CACNA2D3: variants seen among roughly 807,000 people sequenced by gnomAD.
CACNA2D3 encodes voltage-dependent calcium channel subunit alpha-2/delta-3.
In CACNA2D3, 60 loss-of-function variants were observed where a neutral mutation model predicts 160.6. That is an observed-to-expected ratio of 0.37 (90% CI 0.30 to 0.46). The LOEUF (loss-of-function observed/expected upper bound fraction) is 0.46, where lower values mean the gene tolerates loss of function less well. Among genes scored for constraint, CACNA2D3 ranks in the 20% least tolerant of loss-of-function variants. The pLI, the probability that CACNA2D3 is intolerant of heterozygous loss-of-function variation, is 1.00. For missense variants in CACNA2D3, 1,205 were observed against 1,365.0 expected, an observed-to-expected ratio of 0.88 and a Z score of 1.85; for synonymous variants, 558 against 492.9, an observed-to-expected ratio of 1.13 and a Z score of -1.75.
chr3:55,056,533 A>AG (rs1704365649), intron 35 of CACNA2D3, among the ~76,000 whole-genome samples: 3 of 152,240 alleles, frequency 2.0e-5, no homozygotes, highest in African/African-American at 7.2e-5. Flanking sequence ...TTTTCATAAT[A>AG]GCTAAGTTAT....
At chr3:54,969,889 G>A (rs2107070736) in intron 29 of CACNA2D3, 45 bp downstream of exon 29, 1 of 1,534,296 alleles carries the variant, frequency 6.5e-7, no homozygotes, top group Non-Finnish European at 9.0e-7. Flanking sequence ...TGGATAGAAG[G>A]TGACAGATGG....
chr3:54,318,067 T>C (rs1455215002), intron 2 of CACNA2D3, among the ~76,000 whole-genome samples: 2 of 152,206 alleles, frequency 1.3e-5, no homozygotes, highest in African/African-American at 4.8e-5. Flanking sequence ...AGCTGCATCC[T>C]TCCTTCCATC....
At chr3:54,891,844 C>G (rs915473447) in intron 25 of CACNA2D3, among the ~76,000 whole-genome samples, 3 of 152,218 alleles carry the variant, frequency 2.0e-5, no homozygotes, top group Non-Finnish European at 4.4e-5. Flanking sequence ...CCTGCCTGTA[C>G]AAAAGTCACT....
chr3:54,881,397 G>C (rs1292843472), intron 21 of CACNA2D3, among the ~76,000 whole-genome samples: 1 of 152,212 alleles, frequency 6.6e-6, no homozygotes, highest in Non-Finnish European at 1.5e-5. Context: ...ACATAGGTCA[G>C]AGGGAGTAAG....
At chr3:54,215,652 T>G (rs975053104) in intron 2 of CACNA2D3, among the ~76,000 whole-genome samples, 2 of 152,204 alleles carry the variant, frequency 1.3e-5, no homozygotes, top group Non-Finnish European at 2.9e-5. Context: ...ATGCATCCTT[T>G]ACTTTTTAAC....
intron 27 of CACNA2D3, among the ~76,000 whole-genome samples, chr3:54,961,074 G>A (rs1702020825): frequency 6.6e-6 from 1 of 152,162 alleles, no homozygotes; most frequent in African/African-American, 2.4e-5. Context: ...AAAACAAACA[G>A]AAGAAAACAT....
chr3:54,134,688 A>G (rs1367029143), intron 2 of CACNA2D3, among the ~76,000 whole-genome samples: 1 of 152,146 alleles, frequency 6.6e-6, no homozygotes, highest in Non-Finnish European at 1.5e-5. Context: ...CTTGCCCACA[A>G]CCCTTGCAGT....
At chr3:54,513,007 G>A (rs1701483737) in intron 5 of CACNA2D3, among the ~76,000 whole-genome samples, 2 of 152,236 alleles carry the variant, frequency 1.3e-5, no homozygotes. Flanking sequence ...TCTCGTGAGA[G>A]TTATTCACTA....
intron 4 of CACNA2D3, among the ~76,000 whole-genome samples, chr3:54,487,421 G>A (rs1701032344): frequency 6.6e-6 from 1 of 152,178 alleles, no homozygotes; most frequent in Non-Finnish European, 1.5e-5. Flanking sequence ...TCTGTCATTA[G>A]TAGCAACAAG....
At chr3:54,963,683 C>T (rs770852545) in intron 27 of CACNA2D3, among the ~76,000 whole-genome samples, 18 of 152,126 alleles carry the variant, frequency 1.2e-4, no homozygotes, top group Non-Finnish European at 2.1e-4. Flanking sequence ...GCCCTGCATT[C>T]GTTTCTGTCA....
At position 54,475,533 on chromosome 3, in the gene CACNA2D3, T is replaced by G. The variant is rs577618506; in HGVS notation, c.382-27959T>G. Among the ~76,000 whole-genome samples, 4 of 152,274 alleles carry G rather than the reference T, an allele frequency of 2.6e-5. No individual in the cohort carries two copies. The South Asian group carries it at 8.3e-4, about 32-fold the overall frequency. On this transcript the variant is annotated intron_variant, in intron 4 of 37. Coordinates refer to ENST00000474759, the MANE Select transcript of CACNA2D3 (RefSeq NM_018398.3). ...TAGTCAACATACTTGGGAGGTCTCA[T>G]CAGTTTCTTTGGGTTCTTCTTGGGA...
At chr3:54,264,189 T>C (rs529424620) in intron 2 of CACNA2D3, among the ~76,000 whole-genome samples, 54 of 152,314 alleles carry the variant, frequency 3.5e-4, no homozygotes, top group Non-Finnish European at 5.6e-4. Context: ...TGTCCTCGGC[T>C]GATTACAAAG....
intron 1 of CACNA2D3, 85 bp downstream of exon 1, chr3:54,122,920 G>C: frequency 1.7e-6 from 2 of 1,146,488 alleles, no homozygotes; most frequent in Non-Finnish European, 2.2e-6. Flanking sequence ...CTGCAGGTGC[G>C]GCTGGGCAGG....
chr3:54,717,610 GGT>G (rs1158297484), intron 11 of CACNA2D3, among the ~76,000 whole-genome samples: 9 of 138,962 alleles, frequency 6.5e-5, no homozygotes, highest in East Asian at 2.3e-4. Flanking sequence ...TCGTGTGTGT[GGT>G]GTGTGTAGTG....
rs557763381 is a variant in CACNA2D3 at position 54,714,659 on chromosome 3, T to C, written c.1168-37940T>C. Reference sequence around the variant, plus strand: ...TGACAAAAATTTTACAATCATAGACTATTTCCTCACTAGACCACCTCTTTG... The same window carrying C: ...TGACAAAAATTTTACAATCATAGACCATTTCCTCACTAGACCACCTCTTTG... On this transcript the variant is annotated intron_variant, in intron 11 of 37. Transcript: ENST00000474759. 3.3e-5 allele frequency among the ~76,000 whole-genome samples: 5 copies of C among 152,322 alleles called. No homozygotes were observed. In the South Asian group the frequency reaches 1.0e-3, roughly 32 times the overall value.
In CACNA2D3 at chr3:54,759,512, A is replaced by G. The variant is rs535180970; in HGVS notation, c.1247-4706A>G. Among the ~76,000 whole-genome samples the G allele has an allele frequency of 9.2e-5, 14 of 152,202 alleles. No individual in the cohort carries two copies. The East Asian group carries it at 2.7e-3, about 29-fold the overall frequency. On this transcript the variant is annotated intron_variant, in intron 12 of 37. Transcript: ENST00000474759. ...AAAAAAAAGGCTCAGAAAGATTTTA[A>G]ACTTTAATGAGTTGGAATCAAATGT...
At position 54,723,828 on chromosome 3, in the gene CACNA2D3, C is replaced by T. The variant is rs551917902; in HGVS notation, c.1168-28771C>T. Among the ~76,000 whole-genome samples the T allele has an allele frequency of 4.6e-5, 7 of 152,312 alleles. 1 individual carries two copies. The South Asian group carries it at 1.5e-3, about 32-fold the overall frequency. On this transcript the variant is annotated intron_variant, in intron 11 of 37. Coordinates refer to ENST00000474759, the MANE Select transcript of CACNA2D3 (RefSeq NM_018398.3). ...GCTGCAGACCGCAGCTGTTCCTATTCAGCCATCTTGCACTATGAAGAAACT... is the reference window on the plus strand; with the variant it reads ...GCTGCAGACCGCAGCTGTTCCTATTTAGCCATCTTGCACTATGAAGAAACT...
chr3:54,915,096 G>T (rs116602016), intron 27 of CACNA2D3, among the ~76,000 whole-genome samples: 1 of 152,098 alleles, frequency 6.6e-6, no homozygotes, highest in Admixed American at 6.5e-5. Flanking sequence ...TCACTTTTTA[G>T]TCTTGCCATT....
At chr3:54,736,108 TGTATATATATAC>T (rs373750014) in intron 11 of CACNA2D3, among the ~76,000 whole-genome samples, 6 of 19,840 alleles carry the variant, frequency 3.0e-4, no homozygotes, top group Non-Finnish European at 5.0e-4. Flanking sequence ...TACATATATA[TGTATATATATAC>T]ATATATATAT....
Sources: gnomAD v4.1 joint callset for allele counts (sites outside exome capture counted in the v4.1 genomes callset) on GRCh38, gnomAD v4.1.1 for gene constraint, MANE v1.5 for transcripts, NCBI Gene and HGNC (gene_info 2026-07-23, HGNC 2026-07-21) for gene names.